Variants in TTC28 observed in about 807,000 individuals in gnomAD.
TTC28 encodes tetratricopeptide repeat domain 28.
A neutral mutation model predicts 198.0 loss-of-function variants in TTC28; 61 were observed. The ratio of observed to expected loss-of-function variants is 0.31; its 90% CI spans 0.25 to 0.38. The LOEUF (loss-of-function observed/expected upper bound fraction) is 0.38, where lower values mean the gene tolerates loss of function less well. Ranked by LOEUF, TTC28 falls within the 10% of genes least tolerant of loss-of-function variation. The pLI, the probability that TTC28 is intolerant of heterozygous loss-of-function variation, is 1.00. For missense variants in TTC28, 2,678 were observed against 3,164.0 expected (o/e 0.85, Z 3.69); for synonymous variants, 1,171 against 1,297.8 (o/e 0.90, Z 2.10).
At chr22:28,168,481 C>T (rs575495844) in intron 5 of TTC28, among the ~76,000 whole-genome samples, 498 of 152,126 alleles carry the variant, frequency 3.3e-3, no homozygotes, top group African/African-American at 0.012. Context: ...GAGATATAGA[C>T]CAATGGAACA....
intron 5 of TTC28, among the ~76,000 whole-genome samples, chr22:28,198,129 T>C (rs568187740): frequency 1.3e-5 from 2 of 152,270 alleles, no homozygotes; most frequent in South Asian, 4.1e-4. Flanking sequence ...TGAAGTAATC[T>C]TTCTAAATTC....
chr22:28,093,667 T>C (rs1941882714), intron 12 of TTC28, among the ~76,000 whole-genome samples: 1 of 152,194 alleles, frequency 6.6e-6, no homozygotes, highest in South Asian at 2.1e-4. Flanking sequence ...TCTGTGCACA[T>C]ATCCTGTCAC....
intron 2 of TTC28, among the ~76,000 whole-genome samples, chr22:28,527,655 A>G (rs1569000161): frequency 6.6e-6 from 1 of 152,140 alleles, no homozygotes; most frequent in Non-Finnish European, 1.5e-5. Flanking sequence ...TATTTTTTTG[A>G]GACAGGGTTT....
At chr22:28,217,464 A>G (rs1256971443) in intron 5 of TTC28, among the ~76,000 whole-genome samples, 1 of 152,248 alleles carries the variant, frequency 6.6e-6, no homozygotes, top group Non-Finnish European at 1.5e-5. Flanking sequence ...GGAAAGTGAT[A>G]ACTGTATATA....
chr22:28,242,748 T>G lies in TTC28; in HGVS notation c.933+53450A>C, dbSNP rs191449620. Reference sequence around the variant, plus strand: ...CCATTAACCAACTAATTACTGGTGCTGACTGGATTAAATAAGTTTCAATTT... The same window carrying G: ...CCATTAACCAACTAATTACTGGTGCGGACTGGATTAAATAAGTTTCAATTT... On this transcript the variant is annotated intron_variant, in intron 5 of 22. Coordinates refer to ENST00000397906, the MANE Select transcript of TTC28 (RefSeq NM_001145418.2). Among the ~76,000 whole-genome samples, 53 of 152,270 alleles carry G rather than the reference T, an allele frequency of 3.5e-4. 1 individual carries two copies. The highest frequency in any genetic ancestry group is 1.2e-3 in the African/African-American group (51 of 41,588).
chr22:28,509,488 AACAAAGAG>A (rs1188609577), intron 2 of TTC28, among the ~76,000 whole-genome samples: 1 of 152,258 alleles, frequency 6.6e-6, no homozygotes, highest in African/African-American at 2.4e-5. Context: ...AACTACTGAG[AACAAAGAG>A]ACAATGTACC....
chr22:28,597,343 A>G (rs9620808), intron 2 of TTC28, among the ~76,000 whole-genome samples: 10 of 151,930 alleles, frequency 6.6e-5, no homozygotes, highest in African/African-American at 2.2e-4. Context: ...CCATTTCCCC[A>G]CTTTTCCCAG....
chr22:28,016,092 T>C (rs1938361249), intron 13 of TTC28, among the ~76,000 whole-genome samples: 1 of 152,070 alleles, frequency 6.6e-6, no homozygotes, highest in Non-Finnish European at 1.5e-5. Flanking sequence ...CTCAGCACCC[T>C]CAGCCCCCAG....
At chr22:28,324,933 T>TTC (rs1401416268) in intron 2 of TTC28, among the ~76,000 whole-genome samples, 1 of 152,168 alleles carries the variant, frequency 6.6e-6, no homozygotes, top group Non-Finnish European at 1.5e-5. Context: ...TGGTCTAAAA[T>TTC]TCTCTTTTTT....
intron 2 of TTC28, among the ~76,000 whole-genome samples, chr22:28,397,372 G>A (rs1312713015): frequency 5.3e-5 from 8 of 152,166 alleles, no homozygotes; most frequent in Admixed American, 5.2e-4. Flanking sequence ...TTCACTGTAC[G>A]GAATTGTCAT....
At chr22:28,523,731 G>A (rs2146436222) in intron 2 of TTC28, among the ~76,000 whole-genome samples, 1 of 152,272 alleles carries the variant, frequency 6.6e-6, no homozygotes, top group Non-Finnish European at 1.5e-5. Flanking sequence ...GAACACAGTA[G>A]AGCCTGACTC....
At chr22:28,155,753 A>G (rs969461056) in intron 6 of TTC28, among the ~76,000 whole-genome samples, 1 of 152,234 alleles carries the variant, frequency 6.6e-6, no homozygotes, top group Non-Finnish European at 1.5e-5. Context: ...AGTGGAATTT[A>G]AAAATGGAAA....
chr22:28,199,437 A>G (rs960066832), intron 5 of TTC28, among the ~76,000 whole-genome samples: 1 of 139,848 alleles, frequency 7.2e-6, no homozygotes, highest in Admixed American at 7.3e-5. Flanking sequence ...CTATTCCAGG[A>G]GTTCAAGGTT....
At chr22:28,278,345 G>A (rs5762546) in intron 5 of TTC28, among the ~76,000 whole-genome samples, 3,122 of 152,016 alleles carry the variant, frequency 0.021, 120 homozygotes, top group Admixed American at 0.088. Context: ...CACTATCAAC[G>A]GTAATCATTA....
chr22:28,661,066 C>A (rs2051736537), intron 1 of TTC28, among the ~76,000 whole-genome samples: 1 of 151,828 alleles, frequency 6.6e-6, no homozygotes, highest in Non-Finnish European at 1.5e-5. Flanking sequence ...GAGCGGATCA[C>A]CTGAGGTCGG....
intron 1 of TTC28, among the ~76,000 whole-genome samples, chr22:28,653,637 C>G (rs890896933): frequency 6.6e-6 from 1 of 152,132 alleles, no homozygotes; most frequent in African/African-American, 2.4e-5. Flanking sequence ...ATTTGTTCTT[C>G]TAGAAACCCA....
At chr22:28,145,352 CT>C (rs1943445084) in intron 6 of TTC28, among the ~76,000 whole-genome samples, 1 of 152,124 alleles carries the variant, frequency 6.6e-6, no homozygotes, top group South Asian at 2.1e-4. Context: ...TCACGTTAGG[CT>C]GCTTGAATGT....
intron 21 of TTC28, among the ~76,000 whole-genome samples, 198 bp downstream of exon 21, chr22:27,989,680 T>C (rs1937330516): frequency 6.6e-6 from 1 of 152,100 alleles, no homozygotes; most frequent in African/African-American, 2.4e-5. Context: ...ACACCTGGCT[T>C]CAAGTGTTCC....
chr22:28,156,776 G>C (rs573861884), intron 6 of TTC28, among the ~76,000 whole-genome samples: 1 of 152,140 alleles, frequency 6.6e-6, no homozygotes, highest in Non-Finnish European at 1.5e-5. Flanking sequence ...GTTGTCAAAG[G>C]TTGGGGGTAC....
Sources: allele counts gnomAD v4.1 joint callset (sites outside exome capture counted in the v4.1 genomes callset), GRCh38; gene constraint gnomAD v4.1.1; transcripts MANE v1.5; gene names NCBI Gene and HGNC (gene_info 2026-07-23, HGNC 2026-07-21).